The following ADCY1 variants were observed in gnomAD, a reference collection of about 807,000 sequenced individuals.
ADCY1 encodes the protein adenylate cyclase type 1.
Under a neutral mutation model 105.4 loss-of-function variants are expected in ADCY1, and 28 were observed. That is an observed-to-expected ratio of 0.27 (90% CI 0.20 to 0.36). The LOEUF (loss-of-function observed/expected upper bound fraction) is 0.36. ADCY1 is among the 10% of genes least tolerant of loss of function. ADCY1 has a pLI of 1.00. For missense variants in ADCY1, 977 were observed against 1,434.2 expected, an observed-to-expected ratio of 0.68 and a Z score of 5.15; for synonymous variants, 655 against 623.8, an observed-to-expected ratio of 1.05 and a Z score of -0.75.
chr7:45,588,869 ATGTGTGTGTGTG>A (rs55962124), intron 1 of ADCY1, among the ~76,000 whole-genome samples: 1 of 149,052 alleles, frequency 6.7e-6, no homozygotes, highest in Non-Finnish European at 1.5e-5. Context: ...CATTGCGTGT[ATGTGTGTGTGTG>A]TGTGTGTGTG....
chr7:45,666,697 C>T (rs577829233), intron 8 of ADCY1, among the ~76,000 whole-genome samples: 283 of 152,322 alleles, frequency 1.9e-3, no homozygotes, highest in African/African-American at 6.5e-3. Flanking sequence ...CCTGAGGAAT[C>T]GCCACACTGT....
chr7:45,622,562 C>A (rs888536557), intron 3 of ADCY1, 70 bp from the exon 4 acceptor site: 3 of 1,080,628 alleles, frequency 2.8e-6, no homozygotes, highest in Non-Finnish European at 4.3e-6. Context: ...ATGTAAACAT[C>A]TGTACATCTC....
chr7:45,651,657 C>T (rs1271232658), intron 5 of ADCY1, among the ~76,000 whole-genome samples: 1 of 152,214 alleles, frequency 6.6e-6, no homozygotes, highest in Non-Finnish European at 1.5e-5. Context: ...CATTTTTTTC[C>T]TGTCTTGAGT....
At chr7:45,707,576 G>T (rs1785145661) in intron 17 of ADCY1, among the ~76,000 whole-genome samples, 1 of 152,198 alleles carries the variant, frequency 6.6e-6, no homozygotes, top group African/African-American at 2.4e-5. Context: ...TGAAACTGTT[G>T]TATGTAATAC....
intron 2 of ADCY1, among the ~76,000 whole-genome samples, chr7:45,607,061 C>T (rs1793394701): frequency 6.6e-6 from 1 of 151,578 alleles, no homozygotes; most frequent in Non-Finnish European, 1.5e-5. Context: ...CAGCTTGCTT[C>T]CTGTGGGAAA....
At chr7:45,661,831 T>A (rs1348680559) in intron 7 of ADCY1, among the ~76,000 whole-genome samples, 1 of 152,228 alleles carries the variant, frequency 6.6e-6, no homozygotes, top group Non-Finnish European at 1.5e-5. Flanking sequence ...TTTAGAGGCC[T>A]TTGGTGCGGA....
At chr7:45,636,809 G>C (rs1043251529) in intron 4 of ADCY1, among the ~76,000 whole-genome samples, 1 of 152,176 alleles carries the variant, frequency 6.6e-6, no homozygotes, top group African/African-American at 2.4e-5. Flanking sequence ...CCAAAGTGCT[G>C]GGATTACAGG....
chr7:45,574,806 C>G lies in ADCY1; in HGVS notation c.263C>G (p.Pro88Arg). 6.3e-7 allele frequency: 1 copy of G among 1,588,264 alleles called. No homozygotes were observed. Among genetic ancestry groups the G allele is most frequent in the East Asian group, 2.4e-5 (1 of 42,284 alleles). The change falls in exon 1 of 20, where the codon CCC (proline) becomes CGC (arginine). Residue 88 changes from proline (P) to arginine (R), a missense_variant. This residue lies in a region of ADCY1 where 209 missense variants were observed against 222.5 expected (regional missense o/e 0.94). Transcript: ENST00000297323. The surrounding 1 kb of genome is among the most constrained non-coding windows in gnomAD (Gnocchi z 7.0). The part of the protein sequence containing the change: ...AELLGAPGPA[P>R]GLAKGSHPVH... Reference sequence around the variant, plus strand: ...CTGCTGGGCGCGCCGGGGCCCGCGCCCGGCCTGGCCAAGGGCTCACACCCG... The same window carrying G: ...CTGCTGGGCGCGCCGGGGCCCGCGCGCGGCCTGGCCAAGGGCTCACACCCG...
intron 1 of ADCY1, among the ~76,000 whole-genome samples, chr7:45,582,018 G>T (rs1013589196): frequency 4.6e-5 from 7 of 151,706 alleles, no homozygotes; most frequent in Admixed American, 3.3e-4. Flanking sequence ...ACATTCACAT[G>T]CGCCCTCACA....
chr7:45,713,245 GT>G (rs147151038), intron 19 of ADCY1, among the ~76,000 whole-genome samples: 1,553 of 152,300 alleles, frequency 0.01, 28 homozygotes, highest in African/African-American at 0.035. Flanking sequence ...CTGGAGCTGG[GT>G]CCCACACAGC....
intron 2 of ADCY1, among the ~76,000 whole-genome samples, chr7:45,597,336 A>T (rs912896919): frequency 6.6e-6 from 1 of 152,170 alleles, no homozygotes; most frequent in African/African-American, 2.4e-5. Context: ...CTGTTTACGC[A>T]TTGGATGCTT....
intron 5 of ADCY1, among the ~76,000 whole-genome samples, chr7:45,653,158 C>T (rs1484825836): frequency 6.6e-6 from 1 of 152,212 alleles, no homozygotes; most frequent in South Asian, 2.1e-4. Context: ...AGTATCCTAA[C>T]TGTCCAGTGA....
rs1309813842 is a variant in ADCY1, at chr7:45,686,011, T to A, written c.2123T>A (p.Val708Glu). The change falls in exon 13 of 20, where the codon GTG (valine) becomes GAG (glutamate). Residue 708 changes from valine to glutamate, a missense_variant. Val to Glu is a moderately radical substitution (Grantham distance 121). Coordinates refer to ENST00000297323, the MANE Select transcript of ADCY1 (RefSeq NM_021116.4). The surrounding 1 kb of genome is among the most constrained non-coding windows in gnomAD (Gnocchi z 4.3). ...AGCTCCAAGCCCAACAGTTCCCTGGTGGTCCTTTCGTCTGGGGGCCAGCGC... is the reference window on the plus strand; with the variant it reads ...AGCTCCAAGCCCAACAGTTCCCTGGAGGTCCTTTCGTCTGGGGGCCAGCGC... ...AWSSKPNSSL[V>E]VLSSGGQRTA... is the part of the protein sequence containing the mutation. The A allele has an allele frequency of 6.2e-7, 1 of 1,614,018 alleles. No individual in the cohort carries two copies. The highest frequency in any genetic ancestry group is 1.3e-5 in the African/African-American group (1 of 75,030).
intron 1 of ADCY1, among the ~76,000 whole-genome samples, chr7:45,578,549 A>G (rs1386439812): frequency 6.6e-6 from 1 of 152,170 alleles, no homozygotes; most frequent in Non-Finnish European, 1.5e-5. Context: ...GCCAAGGACC[A>G]TGGGGTATTA....
Position 45,627,367 on chromosome 7 carries a change from C to T in ADCY1, c.1020+4624C>T, listed in dbSNP as rs563301024. Among the ~76,000 whole-genome samples, 246 of 152,292 alleles carry T rather than the reference C, an allele frequency of 1.6e-3. 2 individuals are homozygous for T. The highest frequency in any genetic ancestry group is 2.4e-3 in the Non-Finnish European group (160 of 68,022). On this transcript the variant is annotated intron_variant, in intron 4 of 19. Transcript: ENST00000297323. ...GACCTTTCACCAGCCTTCTGTGGAACGGGTGCATCCTGTCCAGCTAACCCT... is the reference window on the plus strand; with the variant it reads ...GACCTTTCACCAGCCTTCTGTGGAATGGGTGCATCCTGTCCAGCTAACCCT...
At chr7:45,618,306 A>G (rs994950555) in intron 3 of ADCY1, among the ~76,000 whole-genome samples, 1 of 152,266 alleles carries the variant, frequency 6.6e-6, no homozygotes, top group Non-Finnish European at 1.5e-5. Context: ...ACTTCTGGAT[A>G]TTGGTCTGGG....
At chr7:45,601,581 C>CT (rs931916359) in intron 2 of ADCY1, among the ~76,000 whole-genome samples, 1 of 152,080 alleles carries the variant, frequency 6.6e-6, no homozygotes, top group African/African-American at 2.4e-5. Context: ...GTGATTTTAC[C>CT]TTGTGGAGCA....
In ADCY1 at chr7:45,677,861, G is replaced by T. The variant is rs1203279957; in HGVS notation, c.1606-8G>T. 8 of 1,610,612 alleles carry T rather than the reference G, an allele frequency of 5.0e-6. No individual in the cohort carries two copies. The highest frequency in any genetic ancestry group is 5.9e-6 in the Non-Finnish European group (7 of 1,178,826). Reference sequence around the variant, plus strand: ...GATGATACTCCTTTATTTCCATGATGGCTCCAGCGGAGGGCATTAAGAACA... The same window carrying T: ...GATGATACTCCTTTATTTCCATGATTGCTCCAGCGGAGGGCATTAAGAACA... On this transcript the variant is annotated splice_region_variant and splice_polypyrimidine_tract_variant and intron_variant, in intron 8 of 19. Coordinates refer to ENST00000297323, the MANE Select transcript of ADCY1 (RefSeq NM_021116.4).
intron 4 of ADCY1, among the ~76,000 whole-genome samples, chr7:45,636,697 C>T (rs1319497944): frequency 6.6e-6 from 1 of 152,140 alleles, no homozygotes; most frequent in Non-Finnish European, 1.5e-5. Flanking sequence ...CACACCACCA[C>T]ACCCAGCTAA....
Sources: gnomAD v4.1 joint callset for allele counts (sites outside exome capture counted in the v4.1 genomes callset) on GRCh38, gnomAD v4.1.1 for gene constraint, gnomAD v4.1.1 regional missense constraint, Gnocchi (gnomAD v3.1) non-coding constraint, MANE v1.5 for transcripts, NCBI Gene and HGNC (gene_info 2026-07-23, HGNC 2026-07-21) for gene names.